TSPAN9: variants seen among roughly 807,000 people sequenced by gnomAD.
The protein encoded by TSPAN9 is tetraspanin-9.
A neutral mutation model predicts 31.0 loss-of-function variants in TSPAN9; 16 were observed. The ratio of observed to expected loss-of-function variants is 0.52; its 90% CI spans 0.35 to 0.78. The LOEUF (loss-of-function observed/expected upper bound fraction) is 0.78, where lower values mean the gene tolerates loss of function less well. Ranked by LOEUF, TSPAN9 falls within the 30% of genes least tolerant of loss-of-function variation. TSPAN9 has a pLI of 0.01. For synonymous variants in TSPAN9, 145 were observed against 121.6 expected, an observed-to-expected ratio of 1.19 and a Z score of -1.27; for missense variants, 272 against 312.5, an observed-to-expected ratio of 0.87 and a Z score of 0.98.
intron 2 of TSPAN9, among the ~76,000 whole-genome samples, chr12:3,146,187 G>A (rs1490375920): frequency 2.0e-5 from 3 of 152,168 alleles, no homozygotes; most frequent in Admixed American, 2.0e-4. Context: ...TTTATGACCC[G>A]TGGCCATCAG....
intron 3 of TSPAN9, among the ~76,000 whole-genome samples, chr12:3,268,122 A>G (rs959967847): frequency 2.0e-5 from 3 of 151,360 alleles, no homozygotes; most frequent in African/African-American, 7.3e-5. Flanking sequence ...TTTCTTCCCC[A>G]TGCCTATTCC....
intron 3 of TSPAN9, among the ~76,000 whole-genome samples, chr12:3,271,806 G>C (rs535638812): frequency 6.6e-6 from 1 of 152,256 alleles, no homozygotes; most frequent in Non-Finnish European, 1.5e-5. Context: ...AGCTGCGGGG[G>C]CCCTTGGAGG....
At chr12:3,220,227 G>A (rs2098383706) in intron 3 of TSPAN9, among the ~76,000 whole-genome samples, 1 of 151,948 alleles carries the variant, frequency 6.6e-6, no homozygotes, top group South Asian at 2.1e-4. Context: ...TACCATTTCT[G>A]AAGCTGACAC....
chr12:3,098,786 T>G (rs550986724), intron 2 of TSPAN9, among the ~76,000 whole-genome samples: 140 of 151,184 alleles, frequency 9.3e-4, no homozygotes, highest in African/African-American at 3.0e-3. Context: ...AGTCTCACTC[T>G]GTTGCCCAGC....
intron 2 of TSPAN9, among the ~76,000 whole-genome samples, chr12:3,146,847 C>G (rs77148821): frequency 0.014 from 2,175 of 152,124 alleles, 50 homozygotes; most frequent in African/African-American, 0.049. Flanking sequence ...ATCCCGTGGC[C>G]TCCTGAAAGG....
At chr12:3,155,047 A>G (rs1162613523) in intron 2 of TSPAN9, among the ~76,000 whole-genome samples, 1 of 152,160 alleles carries the variant, frequency 6.6e-6, no homozygotes, top group African/African-American at 2.4e-5. Flanking sequence ...TTTCAAGGAA[A>G]ATTTGAACTT....
chr12:3,203,091 A>G (rs950622522), intron 3 of TSPAN9, among the ~76,000 whole-genome samples: 4 of 152,088 alleles, frequency 2.6e-5, no homozygotes, highest in Non-Finnish European at 5.9e-5. Flanking sequence ...ATTAAGCCTT[A>G]TTAGGAAGAC....
At chr12:3,262,044 C>A (rs1254517192) in intron 3 of TSPAN9, among the ~76,000 whole-genome samples, 1 of 152,356 alleles carries the variant, frequency 6.6e-6, no homozygotes, top group Non-Finnish European at 1.5e-5. Flanking sequence ...GACTCTAGCT[C>A]CCTTGAGCAG....
Position 3,280,042 on chromosome 12 carries a change from C to T in TSPAN9, c.331-340C>T, listed in dbSNP as rs370646750. ...TGGGGGGCGGGGGTGGCAGAGTGGC[C>T]TGTGTGTGTGGCTGGTCCTGGGATG... On this transcript the variant is annotated intron_variant, in intron 5 of 8. Transcript: ENST00000011898. The surrounding 1 kb of genome is among the most constrained non-coding windows in gnomAD (Gnocchi z 4.5). Among the ~76,000 whole-genome samples the T allele has an allele frequency of 2.4e-3, 367 of 151,716 alleles. 1 individual carries two copies. Among genetic ancestry groups the T allele is most frequent in the African/African-American group, 8.0e-3 (332 of 41,346 alleles).
intron 2 of TSPAN9, among the ~76,000 whole-genome samples, chr12:3,108,986 A>C (rs1034834921): frequency 1.3e-5 from 2 of 151,600 alleles, no homozygotes; most frequent in African/African-American, 4.9e-5. Context: ...CCCAGGCTGC[A>C]GTGCAGTGGC....
At chr12:3,087,070 A>G (rs1407551420) in intron 2 of TSPAN9, among the ~76,000 whole-genome samples, 1 of 152,182 alleles carries the variant, frequency 6.6e-6, no homozygotes, top group Non-Finnish European at 1.5e-5. Context: ...TCAGAGCAAG[A>G]TTGAAACAGG....
intron 2 of TSPAN9, among the ~76,000 whole-genome samples, chr12:3,158,606 C>T (rs1165335116): frequency 3.3e-5 from 5 of 150,888 alleles, no homozygotes; most frequent in Non-Finnish European, 7.4e-5. Flanking sequence ...CCTGTAGTCC[C>T]AGCTACTTGG....
chr12:3,136,930 G>A (rs1486574422), intron 2 of TSPAN9, among the ~76,000 whole-genome samples: 1 of 152,216 alleles, frequency 6.6e-6, no homozygotes, highest in Non-Finnish European at 1.5e-5. Flanking sequence ...GGTGGTCCCA[G>A]CTGCCAGAAC....
At position 3,154,288 on chromosome 12, in the gene TSPAN9, T is replaced by C. The variant is rs1337142965; in HGVS notation, c.-17-46889T>C. ...GCAGTCAGGTAGCAGAGGTCCTGCT[T>C]TAAAGGCTGTTCACTCTGCATTTTT... On this transcript the variant is annotated intron_variant, in intron 2 of 8. Coordinates refer to ENST00000011898, the MANE Select transcript of TSPAN9 (RefSeq NM_006675.5). Among the ~76,000 whole-genome samples, 6 of 152,128 alleles carry C rather than the reference T, an allele frequency of 3.9e-5. No homozygotes were observed. The South Asian group carries it at 1.2e-3, about 32-fold the overall frequency.
chr12:3,145,472 A>T (rs2098336714), intron 2 of TSPAN9, among the ~76,000 whole-genome samples: 1 of 152,008 alleles, frequency 6.6e-6, no homozygotes. Flanking sequence ...CTCCTTTTTG[A>T]TACCCGTGGG....
chr12:3,109,299 T>TGTGTGA (rs1274383200), intron 2 of TSPAN9, among the ~76,000 whole-genome samples: 1 of 118,304 alleles, frequency 8.5e-6, no homozygotes, highest in African/African-American at 4.6e-5. Flanking sequence ...TGTGTGTGTG[T>TGTGTGA]GAGAGAGAGT....
At chr12:3,250,830 G>A (rs560566958) in intron 3 of TSPAN9, among the ~76,000 whole-genome samples, 11 of 152,298 alleles carry the variant, frequency 7.2e-5, no homozygotes, top group East Asian at 3.9e-4. Flanking sequence ...GGAGCAGCCC[G>A]GTGAATGGCC....
chr12:3,253,095 G>A (rs913754550), intron 3 of TSPAN9, among the ~76,000 whole-genome samples: 2 of 152,134 alleles, frequency 1.3e-5, no homozygotes, highest in Non-Finnish European at 2.9e-5. Flanking sequence ...CCTCTCAGAA[G>A]TGCTCCTGTG....
intron 2 of TSPAN9, among the ~76,000 whole-genome samples, chr12:3,098,592 T>C (rs10744591): frequency 0.61 from 93,428 of 152,062 alleles, 29,395 homozygotes; most frequent in African/African-American, 0.74. Flanking sequence ...CCTCGTTCTT[T>C]GCTTAGAGTC....
Sources: allele counts gnomAD v4.1 joint callset (sites outside exome capture counted in the v4.1 genomes callset), GRCh38; gene constraint gnomAD v4.1.1; non-coding constraint Gnocchi (gnomAD v3.1); transcripts MANE v1.5; gene names NCBI Gene and HGNC (gene_info 2026-07-23, HGNC 2026-07-21).